ETS1: variants seen among roughly 807,000 people sequenced by gnomAD.
ETS1 encodes the protein protein C-ets-1.
In ETS1, 15 loss-of-function variants were observed where a neutral mutation model predicts 58.6. The observed-to-expected ratio is 0.26, with a 90% confidence interval of 0.17 to 0.39. ETS1 has a LOEUF of 0.39. Ranked by LOEUF, ETS1 falls within the 10% of genes least tolerant of loss-of-function variation. The pLI is 1.00. For missense variants in ETS1, 417 were observed against 610.5 expected (o/e 0.68, Z 3.34); for synonymous variants, 214 against 218.2 (o/e 0.98, Z 0.17).
chr11:128,494,914 T>C (rs1862898298), intron 3 of ETS1, among the ~76,000 whole-genome samples: 1 of 152,218 alleles, frequency 6.6e-6, no homozygotes, highest in South Asian at 2.1e-4. Context: ...ACCATTGAAC[T>C]GGGCCCAACC....
chr11:128,504,749 G>A (rs1863185429), intron 3 of ETS1, among the ~76,000 whole-genome samples: 1 of 152,116 alleles, frequency 6.6e-6, no homozygotes, highest in Non-Finnish European at 1.5e-5. Flanking sequence ...CTGGGAGGGA[G>A]AGGCTTTCTC....
intron 3 of ETS1, among the ~76,000 whole-genome samples, chr11:128,499,409 T>C (rs957300625): frequency 8.8e-6 from 1 of 113,542 alleles, no homozygotes; most frequent in African/African-American, 3.1e-5. Flanking sequence ...ATATGATTTT[T>C]CAAAACAAGC....
In ETS1 at chr11:128,462,327, T is replaced by G. The variant is rs754312470; in HGVS notation, c.*34A>C. On this transcript the variant is annotated 3_prime_UTR_variant, in exon 10 of 10. Coordinates refer to ENST00000392668, the MANE Select transcript of ETS1 (RefSeq NM_001143820.2). ...AACCAACACGGCTGTCCTTGGAAGG[T>G]CTCAGCAGGGTTTCCCCAGCCCCTT... 7 of 1,526,744 alleles carry G rather than the reference T, an allele frequency of 4.6e-6. No individual in the cohort carries two copies. The highest frequency in any genetic ancestry group is 6.3e-6 in the Non-Finnish European group (7 of 1,102,566). The allele number at this position is 1,526,744 out of a possible 1,614,324, so 94.6% of individuals were successfully genotyped here.
intron 1 of ETS1, among the ~76,000 whole-genome samples, chr11:128,574,425 T>C (rs1376037493): frequency 6.6e-6 from 1 of 152,186 alleles, no homozygotes; most frequent in African/African-American, 2.4e-5. Flanking sequence ...TGTCCTTTAG[T>C]TTTTTAGGAA....
intron 3 of ETS1, among the ~76,000 whole-genome samples, chr11:128,499,549 C>T (rs1216072189): frequency 5.9e-5 from 9 of 152,180 alleles, no homozygotes; most frequent in East Asian, 1.9e-4. Context: ...TCTTCAGACA[C>T]GCAAGCCACG....
At chr11:128,472,382 A>G (rs188111264) in intron 8 of ETS1, among the ~76,000 whole-genome samples, 17 of 152,324 alleles carry the variant, frequency 1.1e-4, no homozygotes, top group Non-Finnish European at 2.2e-4. Flanking sequence ...CATACAAAAG[A>G]CAATAAAGTT....
chr11:128,521,428 G>T (rs1863665475), intron 3 of ETS1, among the ~76,000 whole-genome samples: 1 of 152,152 alleles, frequency 6.6e-6, no homozygotes. Flanking sequence ...TGACAGGGAC[G>T]CTTGGGGAGG....
intron 1 of ETS1, among the ~76,000 whole-genome samples, chr11:128,584,591 T>A (rs1290541434): frequency 6.6e-6 from 1 of 152,266 alleles, no homozygotes; most frequent in Middle Eastern, 3.4e-3. Context: ...TATTCCTCCT[T>A]AGGTGAAATG....
chr11:128,514,890 T>C (rs1415207669), intron 3 of ETS1, among the ~76,000 whole-genome samples: 3 of 152,236 alleles, frequency 2.0e-5, no homozygotes, highest in Non-Finnish European at 4.4e-5. Context: ...TAATATCACT[T>C]AAATTCGTTC....
At chr11:128,491,716 A>G (rs141574693) in intron 3 of ETS1, among the ~76,000 whole-genome samples, 279 of 152,318 alleles carry the variant, frequency 1.8e-3, no homozygotes, top group Non-Finnish European at 3.1e-3. Flanking sequence ...GTGAGAGAGG[A>G]TGGTGGCTTT....
intron 3 of ETS1, among the ~76,000 whole-genome samples, chr11:128,494,846 G>T (rs939703326): frequency 6.6e-6 from 1 of 152,154 alleles, no homozygotes; most frequent in African/African-American, 2.4e-5. Context: ...CTAGGGTTAG[G>T]AGATGAGGGA....
At chr11:128,556,490 G>A (rs1017660649) in intron 2 of ETS1, 55 bp from the exon 3 acceptor site, 1 of 1,269,186 alleles carries the variant, frequency 7.9e-7, no homozygotes, top group Admixed American at 2.6e-5. Flanking sequence ...CTGTTGTTTA[G>A]CCCTAAAGAA....
At chr11:128,525,783 T>C (rs1375775382) in intron 3 of ETS1, among the ~76,000 whole-genome samples, 2 of 152,178 alleles carry the variant, frequency 1.3e-5, no homozygotes, top group Admixed American at 6.5e-5. Context: ...AGAAGTTTAG[T>C]CATTAAAAGT....
Position 128,522,545 on chromosome 11 carries a change from C to G in ETS1, c.215-31969G>C, listed in dbSNP as rs536051039. On this transcript the variant is annotated intron_variant, in intron 3 of 9. Transcript: ENST00000392668. Reference sequence around the variant, plus strand: ...AAGGAAGGGCTGGCGAGCGCGGGGCCGGGCCGCGACCGCGGAGGAGCAGTG... The same window carrying G: ...AAGGAAGGGCTGGCGAGCGCGGGGCGGGGCCGCGACCGCGGAGGAGCAGTG... The G allele has an allele frequency of 8.3e-4, 155 of 187,276 alleles. 1 individual carries two copies. In the Middle Eastern group the frequency reaches 0.011, roughly 13 times the overall value. 11.6% of individuals were successfully genotyped at this position (187,276 alleles called of 1,614,324 possible).
At chr11:128,513,681 C>T (rs1200740565) in intron 3 of ETS1, among the ~76,000 whole-genome samples, 1 of 152,108 alleles carries the variant, frequency 6.6e-6, no homozygotes, top group Non-Finnish European at 1.5e-5. Flanking sequence ...TGTGTAGGTA[C>T]TAGAAGTACA....
chr11:128,523,352 A>T (rs896440205), intron 3 of ETS1, among the ~76,000 whole-genome samples: 17 of 152,248 alleles, frequency 1.1e-4, no homozygotes, highest in African/African-American at 3.9e-4. Context: ...GTTGTAATAG[A>T]GATAGTTTGT....
intron 8 of ETS1, among the ~76,000 whole-genome samples, chr11:128,476,047 G>T (rs1862314984): frequency 6.6e-6 from 1 of 152,094 alleles, no homozygotes; most frequent in South Asian, 2.1e-4. Flanking sequence ...AATGGCTTTG[G>T]GTTTAGCCTT....
At chr11:128,485,129 T>C in intron 6 of ETS1, 58 bp from the exon 7 acceptor site, 2 of 1,523,330 alleles carry the variant, frequency 1.3e-6, no homozygotes, top group Non-Finnish European at 1.8e-6. Flanking sequence ...AAATAAGCAG[T>C]TTTCACCATC....
chr11:128,516,245 A>G (rs1361553041), intron 3 of ETS1, among the ~76,000 whole-genome samples: 2 of 152,254 alleles, frequency 1.3e-5, no homozygotes, highest in Non-Finnish European at 2.9e-5. Flanking sequence ...CAGAAAAAAT[A>G]AAGCAGAAAG....
Sources: allele counts gnomAD v4.1 joint callset (sites outside exome capture counted in the v4.1 genomes callset), GRCh38; gene constraint gnomAD v4.1.1; transcripts MANE v1.5; gene names NCBI Gene and HGNC (gene_info 2026-07-23, HGNC 2026-07-21).